RPS6KC1: variants seen among roughly 807,000 people sequenced by gnomAD.
RPS6KC1 encodes ribosomal protein S6 kinase C1.
In RPS6KC1, 54 loss-of-function variants were observed where a neutral mutation model predicts 103.8. The ratio of observed to expected loss-of-function variants is 0.52; its 90% CI spans 0.42 to 0.65. The LOEUF is 0.65. RPS6KC1 is among the 30% of genes least tolerant of loss of function. RPS6KC1 has a pLI of 0.00. For missense variants in RPS6KC1, 1,151 were observed against 1,253.8 expected (o/e 0.92, Z 1.24); for synonymous variants, 439 against 438.7 (o/e 1.00, Z -0.01).
At chr1:213,761,397 A>C in the RPS6KC1 span, among the ~76,000 whole-genome samples, 1 of 152,178 alleles carries the variant, frequency 6.6e-6, no homozygotes, top group Non-Finnish European at 1.5e-5. Context: ...GACTTTTGAA[A>C]ATCAGAGCAG....
intron 10 of RPS6KC1, among the ~76,000 whole-genome samples, chr1:213,239,018 GACTC>G (rs1248892592): frequency 1.3e-5 from 2 of 152,166 alleles, no homozygotes; most frequent in African/African-American, 4.8e-5. Context: ...AAAGAATATA[GACTC>G]AATGCATAGC....
At chr1:213,661,444 A>T in the RPS6KC1 span, among the ~76,000 whole-genome samples, 2 of 152,144 alleles carry the variant, frequency 1.3e-5, no homozygotes, top group South Asian at 4.1e-4. Context: ...CAGACCTTAC[A>T]AAGAGGCACT....
chr1:213,236,352 GT>G (rs1464324939), intron 10 of RPS6KC1, among the ~76,000 whole-genome samples: 6 of 152,186 alleles, frequency 3.9e-5, no homozygotes, highest in Non-Finnish European at 8.8e-5. Flanking sequence ...TGATTTCAAA[GT>G]TTTTGGCTCA....
chr1:213,483,978 G>A, the RPS6KC1 span, among the ~76,000 whole-genome samples: 2 of 152,180 alleles, frequency 1.3e-5, no homozygotes, highest in African/African-American at 4.8e-5. Flanking sequence ...AGAGGGGATA[G>A]GCCAGTGGCA....
chr1:213,581,692 A>G, the RPS6KC1 span, among the ~76,000 whole-genome samples: 1 of 152,098 alleles, frequency 6.6e-6, no homozygotes, highest in East Asian at 1.9e-4. Context: ...ATCTGCAGCA[A>G]GCATGAAGTG....
chr1:213,725,986 C>T, the RPS6KC1 span, among the ~76,000 whole-genome samples: 49 of 152,160 alleles, frequency 3.2e-4, no homozygotes, highest in Middle Eastern at 3.4e-3. Context: ...TATTGCTTTT[C>T]GTGTTTTAAA....
At chr1:213,650,945 AAG>A in the RPS6KC1 span, among the ~76,000 whole-genome samples, 2 of 149,818 alleles carry the variant, frequency 1.3e-5, no homozygotes, top group African/African-American at 2.4e-5. Flanking sequence ...AAAAAAAAAA[AAG>A]AGGGGAGAGG....
At chr1:213,515,842 T>C in the RPS6KC1 span, among the ~76,000 whole-genome samples, 1 of 152,350 alleles carries the variant, frequency 6.6e-6, no homozygotes, top group Admixed American at 6.5e-5. Context: ...TTTCGCGATA[T>C]TGATTCTTCC....
intron 6 of RPS6KC1, among the ~76,000 whole-genome samples, chr1:213,163,154 T>C (rs1209956931): frequency 6.6e-6 from 1 of 152,154 alleles, no homozygotes; most frequent in Non-Finnish European, 1.5e-5. Context: ...ACCAAGGCCA[T>C]CTCAAGTGTG....
At chr1:213,526,997 A>G in the RPS6KC1 span, among the ~76,000 whole-genome samples, 2 of 152,226 alleles carry the variant, frequency 1.3e-5, no homozygotes, top group Non-Finnish European at 2.9e-5. Flanking sequence ...ATTGACATCT[A>G]TTCACAGCCT....
chr1:213,470,851 T>C, the RPS6KC1 span, among the ~76,000 whole-genome samples: 1 of 152,054 alleles, frequency 6.6e-6, no homozygotes, highest in African/African-American at 2.4e-5. Flanking sequence ...TCTTCAACTC[T>C]TGGCCTCAAG....
At chr1:213,808,586 G>T in the RPS6KC1 span, among the ~76,000 whole-genome samples, 11 of 152,232 alleles carry the variant, frequency 7.2e-5, no homozygotes, top group African/African-American at 1.7e-4. Flanking sequence ...CTCCGAGCCA[G>T]GTGCAGGATA....
chr1:213,102,236 C>G (rs1456983778), intron 3 of RPS6KC1, among the ~76,000 whole-genome samples: 1 of 152,158 alleles, frequency 6.6e-6, no homozygotes, highest in Non-Finnish European at 1.5e-5. Context: ...GATCTGGAAT[C>G]CAAGCTCCTG....
At chr1:213,068,034 A>T (rs967344635) in intron 1 of RPS6KC1, among the ~76,000 whole-genome samples, 1 of 152,232 alleles carries the variant, frequency 6.6e-6, no homozygotes, top group African/African-American at 2.4e-5. Context: ...GAATATATTT[A>T]TAAATTCAGG....
the RPS6KC1 span, among the ~76,000 whole-genome samples, chr1:213,348,336 T>G: frequency 6.6e-6 from 1 of 152,206 alleles, no homozygotes; most frequent in Non-Finnish European, 1.5e-5. Context: ...GTCCAATTCT[T>G]CTTATCTCCA....
At chr1:213,660,452 C>T in the RPS6KC1 span, among the ~76,000 whole-genome samples, 1 of 152,194 alleles carries the variant, frequency 6.6e-6, no homozygotes, top group Non-Finnish European at 1.5e-5. Flanking sequence ...CCTAAGATCT[C>T]CATTTAGAAA....
the RPS6KC1 span, among the ~76,000 whole-genome samples, chr1:213,483,957 C>T: frequency 6.6e-6 from 1 of 152,176 alleles, no homozygotes; most frequent in South Asian, 2.1e-4. Flanking sequence ...AGGAGGGTCC[C>T]TTCCAGGTGT....
At chr1:213,388,130 C>A in the RPS6KC1 span, among the ~76,000 whole-genome samples, 1 of 152,262 alleles carries the variant, frequency 6.6e-6, no homozygotes, top group African/African-American at 2.4e-5. Flanking sequence ...TTCAATCCTG[C>A]TGCGACATTT....
the RPS6KC1 span, among the ~76,000 whole-genome samples, chr1:213,701,831 G>T: frequency 6.6e-6 from 1 of 151,680 alleles, no homozygotes; most frequent in Non-Finnish European, 1.5e-5. Flanking sequence ...CTGACTAAAG[G>T]TCTGTCAATT....
Sources: gnomAD v4.1 joint callset for allele counts (sites outside exome capture counted in the v4.1 genomes callset) on GRCh38, gnomAD v4.1.1 for gene constraint, MANE v1.5 for transcripts, NCBI Gene and HGNC (gene_info 2026-07-23, HGNC 2026-07-21) for gene names.